The following KCTD19 variants were observed in gnomAD, a reference collection of about 807,000 sequenced individuals.
KCTD19 encodes the protein BTB/POZ domain-containing protein KCTD19.
In KCTD19, 67 loss-of-function variants were observed where a neutral mutation model predicts 103.5. That is an observed-to-expected ratio of 0.65 (90% CI 0.53 to 0.79). The LOEUF (loss-of-function observed/expected upper bound fraction) is 0.79, where lower values mean the gene tolerates loss of function less well. Among genes scored for constraint, KCTD19 ranks in the 30% least tolerant of loss-of-function variants. The probability of loss-of-function intolerance (pLI) is 0.00; values close to 1 mark genes in which losing one functional copy is unlikely to be tolerated. For synonymous variants in KCTD19, 439 were observed against 452.2 expected (o/e 0.97, Z 0.37); for missense variants, 980 against 1,136.1 (o/e 0.86, Z 1.98).
intron 1 of KCTD19, among the ~76,000 whole-genome samples, chr16:67,322,567 G>A (rs1321171708): frequency 6.6e-6 from 1 of 152,028 alleles, no homozygotes; most frequent in Non-Finnish European, 1.5e-5. Flanking sequence ...CAAAGTGCTG[G>A]GATTACAGGC....
At chr16:67,310,664 G>A (rs958971680) in intron 2 of KCTD19, among the ~76,000 whole-genome samples, 1 of 152,248 alleles carries the variant, frequency 6.6e-6, no homozygotes, top group Non-Finnish European at 1.5e-5. Context: ...GCACGGGGAA[G>A]TATGTGTATG....
intron 8 of KCTD19, 139 bp downstream of exon 8, chr16:67,296,020 G>C (rs2142504051): frequency 1.5e-6 from 1 of 646,312 alleles, no homozygotes; most frequent in Non-Finnish European, 2.8e-6. Context: ...TGGGATTACA[G>C]GCATGAGCCA....
intron 1 of KCTD19, among the ~76,000 whole-genome samples, chr16:67,321,157 C>T (rs750487125): frequency 6.6e-6 from 1 of 152,088 alleles, no homozygotes; most frequent in Non-Finnish European, 1.5e-5. Context: ...TGCCACTGTA[C>T]TCTGGCCTAA....
chr16:67,314,707 C>T (rs1388451675), intron 2 of KCTD19, among the ~76,000 whole-genome samples: 2 of 151,058 alleles, frequency 1.3e-5, no homozygotes, highest in African/African-American at 2.4e-5. Flanking sequence ...CATGAGCCAC[C>T]GCACCCAGCT....
chr16:67,316,768 C>T (rs1476813724), intron 2 of KCTD19, among the ~76,000 whole-genome samples: 1 of 148,152 alleles, frequency 6.7e-6, no homozygotes, highest in Non-Finnish European at 1.5e-5. Flanking sequence ...GCTTAATACA[C>T]AATAAGACAC....
chr16:67,295,090 C>G (rs750015847), intron 9 of KCTD19, 34 bp from the exon 10 acceptor site: 10 of 1,597,560 alleles, frequency 6.3e-6, no homozygotes, highest in Non-Finnish European at 6.9e-6. Flanking sequence ...AGCTGGGCAG[C>G]TAGGATGAGG....
Position 67,289,626 on chromosome 16 carries a change from C to T in KCTD19, c.2724G>A (p.Arg908=), listed in dbSNP as rs760432260. 6.2e-7 allele frequency: 1 copy of T among 1,614,132 alleles called. No homozygotes were observed. Among genetic ancestry groups the T allele is most frequent in the Non-Finnish European group, 8.5e-7 (1 of 1,180,026 alleles). Residue 908 remains arginine, a synonymous_variant, in exon 16 of 16, where the codon AGG becomes AGA. Coordinates refer to ENST00000304372, the MANE Select transcript of KCTD19 (RefSeq NM_001100915.3). ...AGTAAGAGACAGACCTAGACAGGCC[C>T]CTCTGGATGAGCAGGTCCATGCATC... The part of the protein sequence containing the change: ...YGRCMDLLIQ[R]GLSRSVSYSI...
Position 67,304,830 on chromosome 16 carries a change from A to AT in KCTD19, c.301-260dup, listed in dbSNP as rs1005466116. On this transcript the variant is annotated intron_variant, in intron 2 of 15. Coordinates refer to ENST00000304372, the MANE Select transcript of KCTD19 (RefSeq NM_001100915.3). Reference sequence around the variant, plus strand: ...AGGCACCTGCCACCACGCCTGGCTAATTTTTTTTTGTATTTTTAGTAGAGA... The same window carrying AT: ...AGGCACCTGCCACCACGCCTGGCTAATTTTTTTTTTGTATTTTTAGTAGAGA... 6.6e-4 allele frequency among the ~76,000 whole-genome samples: 99 copies of AT among 151,022 alleles called. 1 individual carries two copies. Among genetic ancestry groups the AT allele is most frequent in the East Asian group, 3.9e-3 (20 of 5,130 alleles).
Position 67,294,649 on chromosome 16 carries a change from G to A in KCTD19, c.1521C>T (p.Ser507=). The A allele has an allele frequency of 6.2e-7, 1 of 1,614,092 alleles. No individual in the cohort carries two copies. Among genetic ancestry groups the A allele is most frequent in the East Asian group, 2.2e-5 (1 of 44,878 alleles). ...CTGTCACCACATGCAGCCTCCTGAT[G>A]GAAAAAGCTTCTTCATTTTCAGATT... ...EKESENEEAF[S]IRRLHVVTEG... The change falls in exon 11 of 16, where the codon TCC becomes TCT. Residue 507 remains serine (S), a synonymous_variant. Transcript: ENST00000304372.
At chr16:67,322,578 G>A (rs539195816) in intron 1 of KCTD19, among the ~76,000 whole-genome samples, 6 of 152,260 alleles carry the variant, frequency 3.9e-5, no homozygotes, top group South Asian at 4.1e-4. Context: ...GATTACAGGC[G>A]TGAGCCACTG....
At position 67,293,459 on chromosome 16, in the gene KCTD19, T is replaced by C. The variant is rs950400045; in HGVS notation, c.2218+85A>G. 2.8e-5 allele frequency: 41 copies of C among 1,473,254 alleles called. No individual in the cohort carries two copies. Among genetic ancestry groups the C allele is most frequent in the Non-Finnish European group, 3.3e-5 (36 of 1,081,684 alleles). 91.3% of individuals were successfully genotyped at this position (1,473,254 alleles called of 1,614,324 possible). A position where few individuals can be genotyped will look rare whatever the true frequency, so the allele number is the denominator to read the frequency against. On this transcript the variant is annotated intron_variant, in intron 12 of 15. Transcript: ENST00000304372. The surrounding 1 kb of genome is among the most constrained non-coding windows in gnomAD (Gnocchi z 4.0). ...AGCGGGGGGGTCTAGTCCTCCTTTG[T>C]CACTAACTTGCTCTGCCATCTTGGC...
Position 67,299,587 on chromosome 16 carries a change from A to G in KCTD19, c.776-14T>C. 1 of 1,605,878 alleles carries G rather than the reference A, an allele frequency of 6.2e-7. No individual in the cohort carries two copies. Among genetic ancestry groups the G allele is most frequent in the African/African-American group, 1.3e-5 (1 of 74,976 alleles). ...GGGAACAGCCACCTGTGTCAGAGAG[A>G]AAGGGGTGACTCCTAGGCCCCCCAT... On this transcript the variant is annotated splice_polypyrimidine_tract_variant and intron_variant, in intron 5 of 15. Coordinates refer to ENST00000304372, the MANE Select transcript of KCTD19 (RefSeq NM_001100915.3).
intron 1 of KCTD19, among the ~76,000 whole-genome samples, chr16:67,322,154 T>C (rs945890477): frequency 5.3e-5 from 8 of 152,188 alleles, no homozygotes; most frequent in African/African-American, 1.9e-4. Flanking sequence ...GGACAAAGAA[T>C]AGTCCTTATT....
chr16:67,299,533 C>T lies in KCTD19; in HGVS notation c.816G>A (p.Gly272=). The T allele has an allele frequency of 1.2e-6, 2 of 1,613,996 alleles. No homozygotes were observed. Among genetic ancestry groups the T allele is most frequent in the Non-Finnish European group, 1.7e-6 (2 of 1,180,022 alleles). The change falls in exon 6 of 16, where the codon GGG becomes GGA. Residue 272 remains glycine, a synonymous_variant. Transcript: ENST00000304372. ...SPTTCSPLSP[G]KGARTASLES... ...CCAGGCTGGCTGTGCGGGCCCCCTT[C>T]CCGGGGCTCAGGGGAGAACAGGTGG... is the stretch of plus-strand genomic sequence containing the variant.
chr16:67,304,327 A>G (rs1462992721), intron 3 of KCTD19, 94 bp downstream of exon 3: 3 of 1,235,592 alleles, frequency 2.4e-6, no homozygotes, highest in African/African-American at 3.0e-5. Flanking sequence ...GAAATCAGGC[A>G]CTCTCTGCTC....
At position 67,291,670 on chromosome 16, in the gene KCTD19, G is replaced by A; in HGVS notation, c.2386C>T (p.Pro796Ser). 4 of 1,613,992 alleles carry A rather than the reference G, an allele frequency of 2.5e-6. No homozygotes were observed. Among genetic ancestry groups the A allele is most frequent in the Non-Finnish European group, 3.4e-6 (4 of 1,179,960 alleles). Residue 796 changes from proline (P) to serine (S), a missense_variant, in exon 13 of 16, where the codon CCC (proline) becomes TCC (serine). Transcript: ENST00000304372. ...CCTTGGGGCTGGGGACTGGCTGTGGGTGTTGTGTGCCTGAGGTTGTCCATC... is the reference window on the plus strand; with the variant it reads ...CCTTGGGGCTGGGGACTGGCTGTGGATGTTGTGTGCCTGAGGTTGTCCATC... The part of the protein sequence containing the change: ...TEMDNLRHTT[P>S]TASPQPQEVT...
intron 2 of KCTD19, among the ~76,000 whole-genome samples, chr16:67,312,719 T>G (rs1394236770): frequency 2.6e-5 from 4 of 151,834 alleles, no homozygotes; most frequent in Non-Finnish European, 5.9e-5. Context: ...AACAAAGGAG[T>G]TGTCCATTCT....
At chr16:67,321,473 G>A (rs904541191) in intron 1 of KCTD19, among the ~76,000 whole-genome samples, 2 of 152,066 alleles carry the variant, frequency 1.3e-5, no homozygotes, top group South Asian at 2.1e-4. Flanking sequence ...ATTTAATATC[G>A]TTAAGATGGC....
rs780820540 is a variant in KCTD19, at chr16:67,299,425, C to T, written c.924G>A (p.Glu308=). ...PDSALGQLRI[E]STLDGSRLYI... is the part of the protein sequence containing the mutation. ...ACAGTCGGCTTCCGTCTAGCGTGCT[C>T]TCGATGCGAAGCTGGCCCAGCGCAG... The change falls in exon 6 of 16, where the codon GAG becomes GAA. Residue 308 remains glutamate (E), a synonymous_variant. Coordinates refer to ENST00000304372, the MANE Select transcript of KCTD19 (RefSeq NM_001100915.3). 6.2e-7 allele frequency: 1 copy of T among 1,614,266 alleles called. No homozygotes were observed. The highest frequency in any genetic ancestry group is 8.5e-7 in the Non-Finnish European group (1 of 1,180,042).
Sources: allele counts gnomAD v4.1 joint callset (sites outside exome capture counted in the v4.1 genomes callset), GRCh38; gene constraint gnomAD v4.1.1; non-coding constraint Gnocchi (gnomAD v3.1); transcripts MANE v1.5; gene names NCBI Gene and HGNC (gene_info 2026-07-23, HGNC 2026-07-21).